Variants in MSH3 observed in about 807,000 individuals in gnomAD.
The protein encoded by MSH3 is mutS homolog 3.
MSH3 carries 106 observed loss-of-function variants against 123.3 expected under a neutral mutation model. That is an observed-to-expected ratio of 0.86 (90% CI 0.73 to 1.01). MSH3 has a LOEUF of 1.01. Among genes scored for constraint, MSH3 ranks in the 50% least tolerant of loss-of-function variants. The pLI, the probability that MSH3 is intolerant of heterozygous loss-of-function variation, is 0.00. For synonymous variants in MSH3, 515 were observed against 481.4 expected (o/e 1.07, Z -0.91); for missense variants, 1,459 against 1,347.6 (o/e 1.08, Z -1.29).
At chr5:80,867,164 C>A (rs1746115671) in intron 22 of MSH3, among the ~76,000 whole-genome samples, 1 of 152,224 alleles carries the variant, frequency 6.6e-6, no homozygotes, top group South Asian at 2.1e-4. Flanking sequence ...CTCACACTGG[C>A]TCAGACAAAA....
intron 10 of MSH3, among the ~76,000 whole-genome samples, chr5:80,730,452 G>A (rs1743390421): frequency 6.6e-6 from 1 of 152,110 alleles, no homozygotes; most frequent in Non-Finnish European, 1.5e-5. Flanking sequence ...GGATGGACGT[G>A]GCATAGTGGA....
At chr5:80,845,104 A>G (rs180999899) in intron 20 of MSH3, among the ~76,000 whole-genome samples, 2 of 152,316 alleles carry the variant, frequency 1.3e-5, no homozygotes, top group African/African-American at 4.8e-5. Context: ...TGGTGGTGAC[A>G]AAATCTCTCA....
chr5:80,840,880 A>G (rs1342995328), intron 20 of MSH3, among the ~76,000 whole-genome samples: 3 of 145,620 alleles, frequency 2.1e-5, no homozygotes, highest in African/African-American at 7.7e-5. Context: ...TATGTGTGCC[A>G]CATTTTTTTT....
Position 80,858,681 on chromosome 5 carries a change from G to A in MSH3, c.3000+4365G>A, listed in dbSNP as rs189178922. 2.4e-3 allele frequency among the ~76,000 whole-genome samples: 364 copies of A among 152,254 alleles called. 4 individuals are homozygous for A. The highest frequency in any genetic ancestry group is 8.3e-3 in the African/African-American group (343 of 41,554). On this transcript the variant is annotated intron_variant, in intron 21 of 23. Transcript: ENST00000265081. Reference sequence around the variant, plus strand: ...TTAGCTTGAGATGAATGTGTATTCAGCTGTTGGTTGAAGTATCTATAGATA... The same window carrying A: ...TTAGCTTGAGATGAATGTGTATTCAACTGTTGGTTGAAGTATCTATAGATA...
intron 12 of MSH3, among the ~76,000 whole-genome samples, chr5:80,754,687 G>A (rs1743893097): frequency 6.6e-6 from 1 of 152,136 alleles, no homozygotes; most frequent in Admixed American, 6.5e-5. Context: ...TAAGGGAATA[G>A]AAAATGGTTT....
At chr5:80,713,026 C>T (rs1750888790) in intron 8 of MSH3, among the ~76,000 whole-genome samples, 1 of 152,122 alleles carries the variant, frequency 6.6e-6, no homozygotes, top group African/African-American at 2.4e-5. Context: ...CTATTATTAC[C>T]AATGAGTTCA....
intron 10 of MSH3, among the ~76,000 whole-genome samples, chr5:80,733,916 A>G (rs1438666444): frequency 6.6e-6 from 1 of 152,190 alleles, no homozygotes; most frequent in Admixed American, 6.5e-5. Context: ...GTAGTACCTC[A>G]TGACATTCAC....
intron 20 of MSH3, among the ~76,000 whole-genome samples, chr5:80,813,973 C>A (rs1420272448): frequency 6.6e-6 from 1 of 151,812 alleles, no homozygotes; most frequent in Non-Finnish European, 1.5e-5. Context: ...GCAGCCTGGG[C>A]AACATGGCAA....
chr5:80,778,884 C>G, intron 17 of MSH3, 48 bp downstream of exon 17: 2 of 1,070,626 alleles, frequency 1.9e-6, no homozygotes, highest in Non-Finnish European at 2.9e-6. Context: ...CTATCAGAAA[C>G]AGACTGGAAA....
At chr5:80,664,475 G>C (rs1041565775) in intron 2 of MSH3, among the ~76,000 whole-genome samples, 2 of 138,052 alleles carry the variant, frequency 1.4e-5, no homozygotes, top group Admixed American at 7.1e-5. Context: ...CATTGTGTCT[G>C]TGTTCCTAAT....
chr5:80,656,920 C>A (rs928157023), intron 2 of MSH3, among the ~76,000 whole-genome samples: 1 of 152,072 alleles, frequency 6.6e-6, no homozygotes, highest in African/African-American at 2.4e-5. Context: ...TATATACTTC[C>A]AGATTTTAAA....
intron 19 of MSH3, among the ~76,000 whole-genome samples, chr5:80,802,381 T>A (rs1428177843): frequency 6.6e-6 from 1 of 151,550 alleles, no homozygotes; most frequent in African/African-American, 2.4e-5. Flanking sequence ...TCATGAATAA[T>A]CCTGCCATGG....
intron 2 of MSH3, among the ~76,000 whole-genome samples, chr5:80,661,217 T>G (rs994365777): frequency 1.3e-5 from 2 of 152,206 alleles, no homozygotes; most frequent in African/African-American, 2.4e-5. Context: ...CTTTTTTGGT[T>G]GTTATTGTTT....
intron 10 of MSH3, among the ~76,000 whole-genome samples, chr5:80,738,497 A>G (rs1028942756): frequency 2.9e-4 from 44 of 152,208 alleles, no homozygotes; most frequent in Non-Finnish European, 6.2e-4. Flanking sequence ...GGATGCTTTC[A>G]GAATCCGAAG....
intron 13 of MSH3, among the ~76,000 whole-genome samples, chr5:80,762,257 T>A (rs1009122181): frequency 9.9e-5 from 15 of 151,978 alleles, no homozygotes; most frequent in South Asian, 6.2e-4. Context: ...ATTAAAAAAA[T>A]TATTAATATT....
chr5:80,775,976 G>A (rs541955735), intron 16 of MSH3, among the ~76,000 whole-genome samples: 3 of 151,190 alleles, frequency 2.0e-5, no homozygotes, highest in South Asian at 2.1e-4. Flanking sequence ...TGCAACCTCC[G>A]CCTCCCTGAT....
At chr5:80,769,377 T>TGGCTCATACAGTGA (rs1241522723) in intron 15 of MSH3, among the ~76,000 whole-genome samples, 4 of 152,186 alleles carry the variant, frequency 2.6e-5, no homozygotes, top group Middle Eastern at 3.4e-3. Flanking sequence ...CTGTGTTGAT[T>TGGCTCATACAGTGA]GGCTCATACA....
intron 16 of MSH3, among the ~76,000 whole-genome samples, chr5:80,777,235 C>T (rs939933931): frequency 6.6e-6 from 1 of 152,082 alleles, no homozygotes; most frequent in Admixed American, 6.5e-5. Context: ...ATTGCCACAT[C>T]ATCAGATGTT....
intron 8 of MSH3, among the ~76,000 whole-genome samples, chr5:80,712,426 G>A (rs993392949): frequency 6.6e-6 from 1 of 151,866 alleles, no homozygotes; most frequent in Non-Finnish European, 1.5e-5. Flanking sequence ...GTTTTTATTC[G>A]AATTTTATTT....
Sources: allele counts gnomAD v4.1 joint callset (sites outside exome capture counted in the v4.1 genomes callset), GRCh38; gene constraint gnomAD v4.1.1; transcripts MANE v1.5; gene names NCBI Gene and HGNC (gene_info 2026-07-23, HGNC 2026-07-21).